SEMA3D: variants seen among roughly 807,000 people sequenced by gnomAD.
SEMA3D encodes semaphorin-3D.
In SEMA3D, 84 loss-of-function variants were observed where a neutral mutation model predicts 100.1. That is an observed-to-expected ratio of 0.84 (90% CI 0.70 to 1.01). The LOEUF is 1.01. Ranked by LOEUF, SEMA3D falls within the 50% of genes least tolerant of loss-of-function variation. The probability of loss-of-function intolerance (pLI) is 0.00; values close to 1 mark genes in which losing one functional copy is unlikely to be tolerated. For synonymous variants in SEMA3D, 312 were observed against 320.7 expected (o/e 0.97, Z 0.29); for missense variants, 875 against 934.1 (o/e 0.94, Z 0.82).
At chr7:85,176,686 CAATT>C (rs2116563033) in intron 1 of SEMA3D, among the ~76,000 whole-genome samples, 1 of 151,192 alleles carries the variant, frequency 6.6e-6, no homozygotes, top group African/African-American at 2.4e-5. Flanking sequence ...CACTAAAACT[CAATT>C]AAAAAAAATT....
intron 18 of SEMA3D, among the ~76,000 whole-genome samples, chr7:85,003,072 G>A (rs963546573): frequency 6.6e-6 from 1 of 151,994 alleles, no homozygotes; most frequent in African/African-American, 2.4e-5. Flanking sequence ...CCTTGTGTGA[G>A]AAAACAAATG....
intron 1 of SEMA3D, among the ~76,000 whole-genome samples, chr7:85,171,954 T>TGTGTGG (rs1278647730): frequency 1.3e-5 from 2 of 150,828 alleles, no homozygotes; most frequent in African/African-American, 4.9e-5. Context: ...GGTGTGTGTG[T>TGTGTGG]GTGTGGGTGT....
Position 85,097,765 on chromosome 7 carries a change from ATAAATGAATT to A in SEMA3D, c.312+30_312+39del, listed in dbSNP as rs747189823. The A allele has an allele frequency of 3.1e-6, 4 of 1,280,488 alleles. No individual in the cohort carries two copies. In the East Asian group the frequency reaches 9.6e-5, roughly 31 times the overall value. 79.3% of individuals were successfully genotyped at this position (1,280,488 alleles called of 1,614,324 possible). A position where few individuals can be genotyped will look rare whatever the true frequency, so the allele number is the denominator to read the frequency against. On this transcript the variant is annotated intron_variant, in intron 4 of 18. Coordinates refer to ENST00000284136, the MANE Select transcript of SEMA3D (RefSeq NM_001384900.1). ...AAACGGGAGAAGAAGAGAGATGAAA[ATAAATGAATT>A]TAACCAAATGTATATATAAATATAC...
the SEMA3D span, among the ~76,000 whole-genome samples, chr7:85,230,817 C>T: frequency 3.9e-5 from 6 of 152,192 alleles, no homozygotes; most frequent in Non-Finnish European, 7.3e-5. Context: ...AACTAGTCTG[C>T]TTCCTCTCCA....
rs201838826 is a variant in SEMA3D, at chr7:85,073,001, A to G, written c.456T>C (p.His152=). 1 of 1,611,298 alleles carries G rather than the reference A, an allele frequency of 6.2e-7. No individual in the cohort carries two copies. Among genetic ancestry groups the G allele is most frequent in the African/African-American group, 1.3e-5 (1 of 74,960 alleles). ...CAAGATCAATATACCCACATATTGGATGAAATGCTCCAGTTCCACACACAT... is the reference window on the plus strand; with the variant it reads ...CAAGATCAATATACCCACATATTGGGTGAAATGCTCCAGTTCCACACACAT... ...HIYVCGTGAF[H]PICGYIDLGV... Residue 152 remains histidine (H), a synonymous_variant, in exon 6 of 19, where the codon CAT becomes CAC. Coordinates refer to ENST00000284136, the MANE Select transcript of SEMA3D (RefSeq NM_001384900.1).
At position 85,122,335 on chromosome 7, in the gene SEMA3D, G is replaced by C. The variant is rs182906447; in HGVS notation, c.-40-404C>G. Among the ~76,000 whole-genome samples, 30 of 151,894 alleles carry C rather than the reference G, an allele frequency of 2.0e-4. No homozygotes were observed. In the East Asian group the frequency reaches 5.6e-3, roughly 28 times the overall value. Reference sequence around the variant, plus strand: ...GATTTTTAAAAATAATTTTCCCATCGCTCTTGTTTTACTCTTATAGAAATG... The same window carrying C: ...GATTTTTAAAAATAATTTTCCCATCCCTCTTGTTTTACTCTTATAGAAATG... On this transcript the variant is annotated intron_variant, in intron 2 of 18. Coordinates refer to ENST00000284136, the MANE Select transcript of SEMA3D (RefSeq NM_001384900.1).
chr7:85,229,204 T>C, the SEMA3D span, among the ~76,000 whole-genome samples: 2 of 152,046 alleles, frequency 1.3e-5, no homozygotes, highest in Non-Finnish European at 2.9e-5. Context: ...TACATGTAAT[T>C]GTAAGCCTTC....
rs147512633 is a variant in SEMA3D, at chr7:85,171,886, T to G, written c.-173+14792A>C. 2.4e-4 allele frequency among the ~76,000 whole-genome samples: 36 copies of G among 152,048 alleles called. No homozygotes were observed. In the East Asian group the frequency reaches 7.0e-3, roughly 29 times the overall value. ...TTAAAATTGTTTCCTTCTCTTGATT[T>G]GCTCTAACAAAATTATCCTTAAGGA... is the stretch of plus-strand genomic sequence containing the variant. On this transcript the variant is annotated intron_variant, in intron 1 of 18. Transcript: ENST00000284136.
At chr7:85,154,644 A>C (rs1431689155) in intron 1 of SEMA3D, among the ~76,000 whole-genome samples, 2 of 152,160 alleles carry the variant, frequency 1.3e-5, no homozygotes, top group Non-Finnish European at 2.9e-5. Context: ...AATACAGTAG[A>C]ACAGATTGTC....
At chr7:85,172,902 A>C (rs1791123329) in intron 1 of SEMA3D, among the ~76,000 whole-genome samples, 1 of 152,062 alleles carries the variant, frequency 6.6e-6, no homozygotes, top group Non-Finnish European at 1.5e-5. Context: ...CTTTCTTATG[A>C]GGGAGACTAA....
chr7:85,201,654 AT>A, the SEMA3D span, among the ~76,000 whole-genome samples: 1 of 152,084 alleles, frequency 6.6e-6, no homozygotes, highest in Non-Finnish European at 1.5e-5. Context: ...AAAGCTTTCA[AT>A]TGCCACTATT....
chr7:85,186,501 C>T (rs1791556745), intron 1 of SEMA3D, among the ~76,000 whole-genome samples, 177 bp downstream of exon 1: 1 of 152,150 alleles, frequency 6.6e-6, no homozygotes, highest in African/African-American at 2.4e-5. Flanking sequence ...ATTTCGCCCA[C>T]TCTCTGTCCG....
At chr7:85,033,385 G>T (rs1424020726) in intron 12 of SEMA3D, among the ~76,000 whole-genome samples, 1 of 152,034 alleles carries the variant, frequency 6.6e-6, no homozygotes, top group Non-Finnish European at 1.5e-5. Flanking sequence ...CATGTAAAAC[G>T]TGAGTTCTCT....
intron 11 of SEMA3D, among the ~76,000 whole-genome samples, chr7:85,038,303 G>A (rs1359570618): frequency 6.6e-6 from 1 of 152,200 alleles, no homozygotes; most frequent in Non-Finnish European, 1.5e-5. Flanking sequence ...GGGAACCTTT[G>A]AGAGGTAATG....
the SEMA3D span, among the ~76,000 whole-genome samples, chr7:85,204,645 C>T: frequency 6.6e-6 from 1 of 152,068 alleles, no homozygotes; most frequent in Non-Finnish European, 1.5e-5. Flanking sequence ...GGAGAGTCTT[C>T]TTGCACAGTG....
chr7:85,055,674 A>T, intron 9 of SEMA3D, 43 bp downstream of exon 9: 1 of 181,036 alleles, frequency 5.5e-6, no homozygotes, highest in Non-Finnish European at 9.9e-6. Context: ...ATATATATAT[A>T]TATATATATA....
intron 16 of SEMA3D, 117 bp downstream of exon 16, chr7:85,014,942 C>T: frequency 1.5e-6 from 1 of 666,652 alleles, no homozygotes. Context: ...ATATTCCTTC[C>T]ATAGGACATG....
chr7:85,003,808 A>AT (rs1164481377), intron 18 of SEMA3D, among the ~76,000 whole-genome samples: 3 of 152,208 alleles, frequency 2.0e-5, no homozygotes, highest in African/African-American at 4.8e-5. Flanking sequence ...AATGCAATAC[A>AT]TTTTTTCATA....
the SEMA3D span, among the ~76,000 whole-genome samples, chr7:85,207,791 T>C: frequency 1.3e-5 from 2 of 152,178 alleles, no homozygotes; most frequent in East Asian, 1.9e-4. Flanking sequence ...AAAAAATTAA[T>C]CTGTGGATTG....
Sources: gnomAD v4.1 joint callset for allele counts (sites outside exome capture counted in the v4.1 genomes callset) on GRCh38, gnomAD v4.1.1 for gene constraint, MANE v1.5 for transcripts, NCBI Gene and HGNC (gene_info 2026-07-23, HGNC 2026-07-21) for gene names.